FOLH1: variants seen among roughly 807,000 people sequenced by gnomAD.
FOLH1 encodes the protein glutamate carboxypeptidase 2.
FOLH1 carries 54 observed loss-of-function variants against 93.9 expected under a neutral mutation model. The ratio of observed to expected loss-of-function variants is 0.57; its 90% confidence interval spans 0.46 to 0.72. The LOEUF is 0.72. FOLH1 is among the 30% of genes least tolerant of loss of function. The pLI, the probability that FOLH1 is intolerant of heterozygous loss-of-function variation, is 0.00. For missense variants in FOLH1, 571 were observed against 892.5 expected (o/e 0.64, Z 4.59); for synonymous variants, 249 against 303.6 (o/e 0.82, Z 1.87).
intron 4 of FOLH1, among the ~76,000 whole-genome samples, chr11:49,189,254 C>T (rs534247958): frequency 1.8e-4 from 28 of 152,292 alleles, no homozygotes; most frequent in Non-Finnish European, 3.2e-4. Flanking sequence ...TTTCGAAAGT[C>T]TTTACACAGC....
At chr11:49,191,505 T>C (rs1007424056) in intron 4 of FOLH1, among the ~76,000 whole-genome samples, 1 of 152,190 alleles carries the variant, frequency 6.6e-6, no homozygotes, top group African/African-American at 2.4e-5. Context: ...TTAAGTCTAT[T>C]TGAAGGAAAT....
At chr11:49,190,809 G>C (rs988401853) in intron 4 of FOLH1, among the ~76,000 whole-genome samples, 2 of 152,114 alleles carry the variant, frequency 1.3e-5, no homozygotes, top group Non-Finnish European at 2.9e-5. Flanking sequence ...AAAGATTACT[G>C]ATCGTGAATT....
chr11:49,150,988 G>A (rs756111497), intron 17 of FOLH1, among the ~76,000 whole-genome samples: 1 of 152,094 alleles, frequency 6.6e-6, no homozygotes. Flanking sequence ...TTAATTTTCA[G>A]AGCAATTCTG....
chr11:49,181,114 T>C (rs1248844574), intron 7 of FOLH1, among the ~76,000 whole-genome samples: 2 of 151,528 alleles, frequency 1.3e-5, no homozygotes, highest in Non-Finnish European at 2.9e-5. Context: ...TAAATTTTTT[T>C]TTTTTTTTTT....
chr11:49,165,626 G>A (rs1353570805), intron 12 of FOLH1, among the ~76,000 whole-genome samples: 4 of 152,156 alleles, frequency 2.6e-5, no homozygotes, highest in East Asian at 1.9e-4. Flanking sequence ...CAGTTGGGGG[G>A]AAAAATGGTA....
chr11:49,185,059 C>A (rs1861210866), intron 6 of FOLH1, among the ~76,000 whole-genome samples: 1 of 152,138 alleles, frequency 6.6e-6, no homozygotes, highest in Admixed American at 6.5e-5. Context: ...ATTTAGGAAA[C>A]ACTCTTTGAA....
chr11:49,192,772 T>C, intron 4 of FOLH1, 21 bp downstream of exon 4: 1 of 1,564,024 alleles, frequency 6.4e-7, no homozygotes, highest in Non-Finnish European at 8.7e-7. Context: ...GTCATTTTTA[T>C]TTGTTGCACT....
At chr11:49,173,838 A>G (rs191940919) in intron 9 of FOLH1, among the ~76,000 whole-genome samples, 492 of 152,280 alleles carry the variant, frequency 3.2e-3, no homozygotes, top group Non-Finnish European at 5.1e-3. Context: ...TAGTGGCCAC[A>G]TAGGAAGTTC....
intron 2 of FOLH1, among the ~76,000 whole-genome samples, chr11:49,205,424 C>T (rs1051825246): frequency 6.6e-6 from 1 of 152,152 alleles, no homozygotes; most frequent in Non-Finnish European, 1.5e-5. Flanking sequence ...TCATCCATAT[C>T]ATAATAAGAT....
Position 49,154,300 on chromosome 11 carries a change from T to G in FOLH1, c.1816A>C (p.Lys606Gln). The G allele has an allele frequency of 6.2e-7, 1 of 1,613,470 alleles. No individual in the cohort carries two copies. The highest frequency in any genetic ancestry group is 8.5e-7 in the Non-Finnish European group (1 of 1,179,602). Residue 606 changes from lysine (K) to glutamine (Q), a missense_variant, in exon 16 of 19, where the codon AAG becomes CAG. Lys to Gln is a moderately conservative substitution (Grantham distance 53). Coordinates refer to ENST00000256999, the MANE Select transcript of FOLH1 (RefSeq NM_004476.3). ...DCRDYAVVLR[K>Q]YADKIYSISM... is the part of the protein sequence containing the mutation. ...ATACTGTAGATTTTGTCAGCATACT[T>G]TCTTAAAACTACAGCATAATCTCGA...
At position 49,160,249 on chromosome 11, in the gene FOLH1, T is replaced by C. The variant is rs187908678; in HGVS notation, c.1441-2206A>G. 3.2e-4 allele frequency among the ~76,000 whole-genome samples: 48 copies of C among 152,256 alleles called. No homozygotes were observed. In the East Asian group the frequency reaches 9.3e-3, roughly 29 times the overall value. ...TTATTAGTCTAGTTAGCACTCTATT[T>C]TTTATTAATTTTTTTCAAAAAATCA... On this transcript the variant is annotated intron_variant, in intron 13 of 18. Transcript: ENST00000256999.
At position 49,173,944 on chromosome 11, in the gene FOLH1, C is replaced by T. The variant is rs542972890; in HGVS notation, c.1106-468G>A. 1.2e-4 allele frequency among the ~76,000 whole-genome samples: 19 copies of T among 152,216 alleles called. No homozygotes were observed. The South Asian group carries it at 3.7e-3, about 30-fold the overall frequency. On this transcript the variant is annotated intron_variant, in intron 9 of 18. Coordinates refer to ENST00000256999, the MANE Select transcript of FOLH1 (RefSeq NM_004476.3). ...AAGGTACAGCTCAAATATTTTCTCC[C>T]TCTATGCAGTTTTTAAAGTACAGCT... is the stretch of plus-strand genomic sequence containing the variant.
chr11:49,154,121 T>A lies in FOLH1; in HGVS notation c.1888+107A>T. 2.0e-6 allele frequency: 3 copies of A among 1,484,796 alleles called. No homozygotes were observed. In the South Asian group the frequency reaches 4.1e-5, roughly 20 times the overall value. The allele number at this position is 1,484,796 out of a possible 1,614,324, so 92.0% of individuals were successfully genotyped here. A position where few individuals can be genotyped will look rare whatever the true frequency, so the allele number is the denominator to read the frequency against. Reference sequence around the variant, plus strand: ...TTATAGACATAAACAGAATATTGGATCACTTGAAATAGCAATAAATAATAA... The same window carrying A: ...TTATAGACATAAACAGAATATTGGAACACTTGAAATAGCAATAAATAATAA... On this transcript the variant is annotated intron_variant, in intron 16 of 18. Coordinates refer to ENST00000256999, the MANE Select transcript of FOLH1 (RefSeq NM_004476.3).
At chr11:49,163,277 G>A (rs1308707154) in intron 13 of FOLH1, among the ~76,000 whole-genome samples, 2 of 151,892 alleles carry the variant, frequency 1.3e-5, no homozygotes, top group African/African-American at 4.8e-5. Context: ...CACCAGTGGG[G>A]GTAGCCAGAA....
chr11:49,177,553 A>AT (rs35510819), intron 7 of FOLH1, among the ~76,000 whole-genome samples: 3,178 of 150,478 alleles, frequency 0.021, 49 homozygotes, highest in Middle Eastern at 0.048. Context: ...CCAATAAATT[A>AT]TTTTTTTTTT....
At chr11:49,185,275 A>T (rs1393032637) in intron 6 of FOLH1, among the ~76,000 whole-genome samples, 1 of 152,196 alleles carries the variant, frequency 6.6e-6, no homozygotes, top group East Asian at 1.9e-4. Flanking sequence ...ACTTGAGTAG[A>T]CATAAGTCTG....
chr11:49,203,935 C>T (rs1419987196), intron 2 of FOLH1, among the ~76,000 whole-genome samples: 1 of 152,178 alleles, frequency 6.6e-6, no homozygotes, highest in African/African-American at 2.4e-5. Flanking sequence ...TGATGGTCCA[C>T]ACCTGTTAAC....
chr11:49,198,945 A>G (rs1445806739), intron 3 of FOLH1, among the ~76,000 whole-genome samples: 1 of 152,030 alleles, frequency 6.6e-6, no homozygotes, highest in Non-Finnish European at 1.5e-5. Flanking sequence ...ATTGTTAACT[A>G]CTATGATTGA....
chr11:49,162,619 T>C lies in FOLH1; in HGVS notation c.1440+2086A>G, dbSNP rs116403789. ...TTCAGGCATCTCAGCCTCAACCCGGTTCCGAAACCTTGCTGGAGAAGTGAT... is the reference window on the plus strand; with the variant it reads ...TTCAGGCATCTCAGCCTCAACCCGGCTCCGAAACCTTGCTGGAGAAGTGAT... On this transcript the variant is annotated intron_variant, in intron 13 of 18. Coordinates refer to ENST00000256999, the MANE Select transcript of FOLH1 (RefSeq NM_004476.3). 5.2e-3 allele frequency among the ~76,000 whole-genome samples: 785 copies of C among 152,200 alleles called. 10 individuals carry two copies. Among genetic ancestry groups the C allele is most frequent in the Middle Eastern group, 0.027 (8 of 294 alleles).
Sources: gnomAD v4.1 joint callset for allele counts (sites outside exome capture counted in the v4.1 genomes callset) on GRCh38, gnomAD v4.1.1 for gene constraint, MANE v1.5 for transcripts, NCBI Gene and HGNC (gene_info 2026-07-23, HGNC 2026-07-21) for gene names.